Variants in MAP7 observed in about 807,000 individuals in gnomAD.
The protein encoded by MAP7 is ensconsin.
A neutral mutation model predicts 94.8 loss-of-function variants in MAP7; 52 were observed. That is an observed-to-expected ratio of 0.55 (90% CI 0.44 to 0.69). MAP7 has a LOEUF of 0.69. MAP7 is among the 30% of genes least tolerant of loss of function. The pLI is 0.00. For missense variants in MAP7, 940 were observed against 964.6 expected, an observed-to-expected ratio of 0.97 and a Z score of 0.34; for synonymous variants, 350 against 357.0, an observed-to-expected ratio of 0.98 and a Z score of 0.22.
chr6:136,370,897 G>A (rs36121762), intron 8 of MAP7, among the ~76,000 whole-genome samples: 47 of 88,848 alleles, frequency 5.3e-4, no homozygotes, highest in Non-Finnish European at 9.4e-4. Flanking sequence ...TAAATTTTAC[G>A]TTACATGCTT....
rs118131204 is a variant in MAP7 at position 136,468,429 on chromosome 6, C to T, written c.68-46630G>A. On this transcript the variant is annotated intron_variant, in intron 1 of 17. Coordinates refer to ENST00000354570, the MANE Select transcript of MAP7 (RefSeq NM_003980.6). ...ACTGCTGAAGATGTTAAGTGGCAGA[C>T]TCTTCATCCCGATACAGATGCTGCT... 2.6e-5 allele frequency among the ~76,000 whole-genome samples: 4 copies of T among 152,280 alleles called. No individual in the cohort carries two copies. The East Asian group carries it at 7.7e-4, about 29-fold the overall frequency.
rs377280606 is a variant in MAP7, at chr6:136,383,636, T to A, written c.637+35A>T. 6.2e-5 allele frequency: 74 copies of A among 1,188,834 alleles called. 1 individual carries two copies. The African/African-American group carries it at 9.8e-4, about 16-fold the overall frequency. 73.6% of individuals were successfully genotyped at this position (1,188,834 alleles called of 1,614,324 possible). A position where few individuals can be genotyped will look rare whatever the true frequency, so the allele number is the denominator to read the frequency against. ...TCCAGAAAAAAAAGCATTAAGTAAA[T>A]AACAGACACTTTTTTGTTTTCCTTT... On this transcript the variant is annotated intron_variant, in intron 6 of 17. Coordinates refer to ENST00000354570, the MANE Select transcript of MAP7 (RefSeq NM_003980.6).
chr6:136,373,359 G>A (rs1445742522), intron 7 of MAP7, among the ~76,000 whole-genome samples: 1 of 152,204 alleles, frequency 6.6e-6, no homozygotes, highest in Non-Finnish European at 1.5e-5. Context: ...GAGCATATGG[G>A]GAGATTAGCT....
Position 136,361,045 on chromosome 6 carries a change from G to T in MAP7, c.1661C>A (p.Ala554Glu). Reference protein sequence around the residue: ...EQLQRQAEERALREREEAERA... With the variant: ...EQLQRQAEERELREREEAERA... ...CTCTGCCTCCTCCCGCTCGCGCAGC[G>T]CCCGCTCCTCCGCCTGCCGCTGCAG... is the stretch of plus-strand genomic sequence containing the variant. The change falls in exon 12 of 18, where the codon GCG becomes GAG. Residue 554 changes from alanine (A) to glutamate (E), a missense_variant. By Grantham distance (107) the Ala-to-Glu change is moderately radical. Coordinates refer to ENST00000354570, the MANE Select transcript of MAP7 (RefSeq NM_003980.6). 1 of 1,586,322 alleles carries T rather than the reference G, an allele frequency of 6.3e-7. No individual in the cohort carries two copies.
chr6:136,507,018 C>T (rs7764406), intron 1 of MAP7, among the ~76,000 whole-genome samples: 40,156 of 151,916 alleles, frequency 0.26, 6,748 homozygotes, highest in African/African-American at 0.47. Flanking sequence ...GTTCTGACCA[C>T]GAGGCACCCC....
intron 1 of MAP7, among the ~76,000 whole-genome samples, chr6:136,523,061 G>A (rs1370505717): frequency 1.3e-5 from 2 of 150,712 alleles, no homozygotes; most frequent in Non-Finnish European, 3.0e-5. Flanking sequence ...ATAAAAAGGA[G>A]AAAAAAAAAT....
intron 8 of MAP7, among the ~76,000 whole-genome samples, chr6:136,371,693 T>C (rs1217832012): frequency 6.6e-6 from 1 of 152,244 alleles, no homozygotes; most frequent in East Asian, 1.9e-4. Context: ...TGAGATCTTC[T>C]AGTTCACTGG....
chr6:136,459,128 G>A (rs960825301), intron 1 of MAP7, among the ~76,000 whole-genome samples: 1 of 152,052 alleles, frequency 6.6e-6, no homozygotes, highest in Non-Finnish European at 1.5e-5. Flanking sequence ...CATACAAATG[G>A]CCAACAGGTA....
chr6:136,446,565 G>C (rs1411208538), intron 1 of MAP7, among the ~76,000 whole-genome samples: 1 of 152,132 alleles, frequency 6.6e-6, no homozygotes, highest in East Asian at 1.9e-4. Flanking sequence ...GGAGGTGCAG[G>C]GGGGCGCTGA....
At chr6:136,465,223 C>T (rs1271580915) in intron 1 of MAP7, among the ~76,000 whole-genome samples, 1 of 152,186 alleles carries the variant, frequency 6.6e-6, no homozygotes, top group Admixed American at 6.5e-5. Context: ...CAAAATCAAG[C>T]ATACAAAAAT....
chr6:136,380,879 A>G (rs1777549500), intron 6 of MAP7, among the ~76,000 whole-genome samples: 1 of 152,222 alleles, frequency 6.6e-6, no homozygotes, highest in Admixed American at 6.5e-5. Flanking sequence ...GAAAAGTGAT[A>G]TGGAAATATT....
chr6:136,361,049 G>A lies in MAP7; in HGVS notation c.1657C>T (p.Arg553Trp), dbSNP rs1469110223. The change falls in exon 12 of 18, where the codon CGG (arginine) becomes TGG (tryptophan). Residue 553 changes from arginine (R) to tryptophan (W), a missense_variant. Transcript: ENST00000354570. ...GCCTCCTCCCGCTCGCGCAGCGCCC[G>A]CTCCTCCGCCTGCCGCTGCAGCTGC... is the stretch of plus-strand genomic sequence containing the variant. ...EEQLQRQAEE[R>W]ALREREEAER... is the part of the protein sequence containing the mutation. 6.3e-7 allele frequency: 1 copy of A among 1,589,590 alleles called. No homozygotes were observed. The highest frequency in any genetic ancestry group is 8.5e-7 in the Non-Finnish European group (1 of 1,173,916).
At chr6:136,354,799 G>A (rs1305179249) in intron 16 of MAP7, among the ~76,000 whole-genome samples, 2 of 152,056 alleles carry the variant, frequency 1.3e-5, no homozygotes, top group Non-Finnish European at 2.9e-5. Context: ...TTTATTATCT[G>A]TATCAAATAT....
chr6:136,412,718 CTG>C (rs1787886606), intron 2 of MAP7, among the ~76,000 whole-genome samples: 1 of 152,298 alleles, frequency 6.6e-6, no homozygotes, highest in African/African-American at 2.4e-5. Flanking sequence ...GCATTATACT[CTG>C]AGTGAGACAT....
chr6:136,526,546 C>T (rs2129054155), intron 1 of MAP7: 2 of 985,538 alleles, frequency 2.0e-6, no homozygotes, highest in Non-Finnish European at 2.4e-6. Flanking sequence ...TCCATCTCCC[C>T]AGCTGAGAAG....
At chr6:136,364,037 G>T in intron 10 of MAP7, 1 of 245,942 alleles carries the variant, frequency 4.1e-6, no homozygotes. Context: ...CGGTCCCTCT[G>T]AGGAATGTAG....
intron 1 of MAP7, among the ~76,000 whole-genome samples, chr6:136,549,817 T>TGA (rs1562499104): frequency 6.6e-6 from 1 of 152,028 alleles, no homozygotes; most frequent in East Asian, 1.9e-4. Context: ...GGCACCAGAT[T>TGA]GGGGGGCGGG....
chr6:136,544,777 G>A (rs1006204207), intron 1 of MAP7, among the ~76,000 whole-genome samples: 1 of 152,136 alleles, frequency 6.6e-6, no homozygotes, highest in Non-Finnish European at 1.5e-5. Context: ...AAAGCAGAGA[G>A]GTTTTTTTCC....
At chr6:136,360,062 T>G in intron 13 of MAP7, 31 bp from the exon 14 acceptor site, 2 of 1,568,620 alleles carry the variant, frequency 1.3e-6, no homozygotes, top group Non-Finnish European at 1.7e-6. Context: ...AGCAAGAAGA[T>G]TAGACACAGA....
Sources: gnomAD v4.1 joint callset for allele counts (sites outside exome capture counted in the v4.1 genomes callset) on GRCh38, gnomAD v4.1.1 for gene constraint, MANE v1.5 for transcripts, NCBI Gene and HGNC (gene_info 2026-07-23, HGNC 2026-07-21) for gene names.